The following PDE10A variants were observed in gnomAD, a reference collection of about 807,000 sequenced individuals.
PDE10A encodes the protein cAMP and cAMP-inhibited cGMP 3',5'-cyclic phosphodiesterase 10A.
PDE10A carries 39 observed loss-of-function variants against 97.7 expected under a neutral mutation model. That is an observed-to-expected ratio of 0.40 (90% CI 0.31 to 0.52). The LOEUF is 0.52. Among genes scored for constraint, PDE10A ranks in the 20% least tolerant of loss-of-function variants. The probability of loss-of-function intolerance (pLI) is 0.56; values close to 1 mark genes in which losing one functional copy is unlikely to be tolerated. For synonymous variants in PDE10A, 371 were observed against 376.8 expected, an observed-to-expected ratio of 0.98 and a Z score of 0.18; for missense variants, 731 against 1,047.8, an observed-to-expected ratio of 0.70 and a Z score of 4.17.
chr6:165,427,463 A>T (rs1335774465), intron 10 of PDE10A, among the ~76,000 whole-genome samples: 1 of 152,130 alleles, frequency 6.6e-6, no homozygotes, highest in Non-Finnish European at 1.5e-5. Context: ...AGGGCTGGTG[A>T]GGCAAGTGGA....
At chr6:165,755,910 C>T (rs990433128) in intron 1 of PDE10A, among the ~76,000 whole-genome samples, 1 of 152,120 alleles carries the variant, frequency 6.6e-6, no homozygotes, top group South Asian at 2.1e-4. Flanking sequence ...TGCAATTCTC[C>T]CTCTGCCTCT....
chr6:165,569,062 A>G (rs1286259668), intron 1 of PDE10A, among the ~76,000 whole-genome samples: 3 of 152,222 alleles, frequency 2.0e-5, no homozygotes, highest in Non-Finnish European at 4.4e-5. Flanking sequence ...TAAGAATGTA[A>G]AATATTTCAT....
At chr6:165,735,644 G>C (rs1394629984) in intron 1 of PDE10A, among the ~76,000 whole-genome samples, 1 of 152,130 alleles carries the variant, frequency 6.6e-6, no homozygotes, top group Non-Finnish European at 1.5e-5. Flanking sequence ...CATCAGGTGG[G>C]GGAACTCTCT....
intron 1 of PDE10A, among the ~76,000 whole-genome samples, chr6:165,802,759 T>C (rs1170327323): frequency 6.6e-6 from 1 of 152,174 alleles, no homozygotes; most frequent in Non-Finnish European, 1.5e-5. Context: ...AAAGCATGGT[T>C]CGATATGTTG....
intron 1 of PDE10A, chr6:165,940,090 A>T (rs1783459708): frequency 6.6e-6 from 1 of 152,248 alleles, no homozygotes; most frequent in African/African-American, 2.4e-5. Context: ...TAAGCCTTTA[A>T]ATTGGAGCGT....
intron 1 of PDE10A, among the ~76,000 whole-genome samples, chr6:165,641,892 C>T (rs914497839): frequency 4.6e-5 from 7 of 152,234 alleles, no homozygotes; most frequent in Non-Finnish European, 4.4e-5. Flanking sequence ...AACTCTCCAG[C>T]CACCCTGTAC....
rs555820840 is a variant in PDE10A, at chr6:165,606,326, T to G, written c.865+55621A>C. Among the ~76,000 whole-genome samples, 362 of 152,140 alleles carry G rather than the reference T, an allele frequency of 2.4e-3. 2 individuals carry two copies. Among genetic ancestry groups the G allele is most frequent in the African/African-American group, 8.5e-3 (351 of 41,490 alleles). On this transcript the variant is annotated intron_variant, in intron 1 of 21. Transcript: ENST00000539869. Reference sequence around the variant, plus strand: ...GCTGAGATAATAAACTATCCCAGGATCTTAGTAACTGAAAACACACAGGAT... The same window carrying G: ...GCTGAGATAATAAACTATCCCAGGAGCTTAGTAACTGAAAACACACAGGAT...
chr6:165,546,180 C>T (rs1033897235), intron 1 of PDE10A, among the ~76,000 whole-genome samples: 2 of 152,018 alleles, frequency 1.3e-5, no homozygotes, highest in African/African-American at 4.8e-5. Context: ...ACATATTACA[C>T]AATTCCAACT....
intron 17 of PDE10A, among the ~76,000 whole-genome samples, chr6:165,385,790 C>T (rs544860710): frequency 1.1e-4 from 17 of 152,236 alleles, no homozygotes; most frequent in Non-Finnish European, 1.9e-4. Context: ...GTTTATGGCC[C>T]CAATATTATT....
intron 1 of PDE10A, among the ~76,000 whole-genome samples, chr6:165,925,355 C>T (rs1782901753): frequency 6.6e-6 from 1 of 152,198 alleles, no homozygotes; most frequent in Non-Finnish European, 1.5e-5. Context: ...AAACCATGCA[C>T]TTACCCTAAG....
At chr6:165,825,762 G>A (rs1426595365) in intron 1 of PDE10A, among the ~76,000 whole-genome samples, 3 of 152,150 alleles carry the variant, frequency 2.0e-5, no homozygotes, top group Non-Finnish European at 4.4e-5. Context: ...GTGGGAGTGG[G>A]AGGGCCTGAA....
At chr6:165,666,647 G>A (rs911621682), upstream of PDE10A, among the ~76,000 whole-genome samples, 2 of 146,680 alleles carry the variant, frequency 1.4e-5, no homozygotes, top group South Asian at 2.2e-4. Flanking sequence ...ACATGCTCCC[G>A]GCCCCCCACC....
At chr6:165,837,659 GTTTTTTTT>G (rs386409265) in intron 1 of PDE10A, among the ~76,000 whole-genome samples, 1 of 83,488 alleles carries the variant, frequency 1.2e-5, no homozygotes, top group Non-Finnish European at 2.2e-5. Context: ...ATCTCTCCTG[GTTTTTTTT>G]TTTTTTTTTT....
At chr6:165,414,866 C>A (rs1361742314) in intron 12 of PDE10A, among the ~76,000 whole-genome samples, 1 of 152,190 alleles carries the variant, frequency 6.6e-6, no homozygotes, top group East Asian at 1.9e-4. Context: ...AAAGTCCCAG[C>A]CATTCAAGCT....
chr6:165,805,460 G>A (rs1427361574), intron 1 of PDE10A, among the ~76,000 whole-genome samples: 1 of 152,126 alleles, frequency 6.6e-6, no homozygotes, highest in Non-Finnish European at 1.5e-5. Flanking sequence ...CCCCAGTGGA[G>A]GACAAAGGGG....
intron 1 of PDE10A, among the ~76,000 whole-genome samples, chr6:165,714,282 G>T (rs1791973395): frequency 6.6e-6 from 1 of 152,234 alleles, no homozygotes; most frequent in Non-Finnish European, 1.5e-5. Context: ...TGCAGAGGGG[G>T]TGGCGTGCCG....
intron 1 of PDE10A, among the ~76,000 whole-genome samples, chr6:165,608,160 G>C (rs575895358): frequency 3.3e-5 from 5 of 150,514 alleles, no homozygotes; most frequent in Middle Eastern, 3.4e-3. Flanking sequence ...TGTGCACAAC[G>C]TGCAGGTTTG....
intron 1 of PDE10A, among the ~76,000 whole-genome samples, chr6:165,875,841 C>T (rs773501622): frequency 4.0e-5 from 6 of 149,412 alleles, no homozygotes; most frequent in African/African-American, 1.2e-4. Context: ...GGTTTTTAAG[C>T]GTAGGGTTTT....
chr6:165,619,549 G>C (rs868569636), intron 1 of PDE10A, among the ~76,000 whole-genome samples: 2 of 116,168 alleles, frequency 1.7e-5, no homozygotes, highest in African/African-American at 7.7e-5. Context: ...GTAGTGTAGT[G>C]TAGTCTAGTG....
Sources: allele counts gnomAD v4.1 joint callset (sites outside exome capture counted in the v4.1 genomes callset), GRCh38; gene constraint gnomAD v4.1.1; transcripts MANE v1.5; gene names NCBI Gene and HGNC (gene_info 2026-07-23, HGNC 2026-07-21).